The following RGS6 variants were observed in gnomAD, a reference collection of about 807,000 sequenced individuals.
The protein encoded by RGS6 is regulator of G-protein signaling 6.
Under a neutral mutation model 78.5 loss-of-function variants are expected in RGS6, and 30 were observed. The ratio of observed to expected loss-of-function variants is 0.38; its 90% CI spans 0.29 to 0.52. RGS6 has a LOEUF of 0.52. Among genes scored for constraint, RGS6 ranks in the 20% least tolerant of loss-of-function variants. RGS6 has a pLI of 0.85. For synonymous variants in RGS6, 206 were observed against 206.0 expected, an observed-to-expected ratio of 1.00 and a Z score of 0.00; for missense variants, 495 against 609.7, an observed-to-expected ratio of 0.81 and a Z score of 1.98.
chr14:72,264,690 T>C (rs2058738149), intron 2 of RGS6, among the ~76,000 whole-genome samples: 1 of 152,206 alleles, frequency 6.6e-6, no homozygotes, highest in South Asian at 2.1e-4. Context: ...TACCCAAAAA[T>C]AAGTTTGTTT....
At chr14:72,122,030 A>G (rs2096064624) in intron 2 of RGS6, among the ~76,000 whole-genome samples, 2 of 152,114 alleles carry the variant, frequency 1.3e-5, no homozygotes, top group African/African-American at 4.8e-5. Flanking sequence ...CCCCATAACA[A>G]AAAATTACCC....
intron 2 of RGS6, among the ~76,000 whole-genome samples, chr14:72,344,535 T>C (rs1056210110): frequency 3.9e-5 from 6 of 152,214 alleles, no homozygotes; most frequent in Non-Finnish European, 7.3e-5. Flanking sequence ...AAGACCCTTT[T>C]AATATATTGA....
intron 2 of RGS6, among the ~76,000 whole-genome samples, chr14:72,044,383 C>T (rs2092672697): frequency 6.6e-6 from 1 of 152,128 alleles, no homozygotes; most frequent in South Asian, 2.1e-4. Context: ...AAAGATCTGC[C>T]CTGCCCCAAT....
chr14:72,591,825 AG>A, the RGS6 span, among the ~76,000 whole-genome samples: 1 of 152,252 alleles, frequency 6.6e-6, no homozygotes, highest in Non-Finnish European at 1.5e-5. Flanking sequence ...TCTAGCCTGA[AG>A]GGTTGGGTAT....
At chr14:72,608,877 C>T in the RGS6 span, among the ~76,000 whole-genome samples, 4 of 152,128 alleles carry the variant, frequency 2.6e-5, no homozygotes, top group African/African-American at 9.7e-5. Context: ...CTGATGCACA[C>T]GCATGCGTGT....
At chr14:72,599,909 G>A in the RGS6 span, among the ~76,000 whole-genome samples, 1 of 152,108 alleles carries the variant, frequency 6.6e-6, no homozygotes. Flanking sequence ...TCTGGCAGAA[G>A]CCTCAGCTTC....
intron 6 of RGS6, among the ~76,000 whole-genome samples, chr14:72,462,966 G>A (rs2095819058): frequency 6.6e-6 from 1 of 152,184 alleles, no homozygotes; most frequent in African/African-American, 2.4e-5. Flanking sequence ...GCTAGTAAAG[G>A]CAGAAAGTAA....
intron 2 of RGS6, among the ~76,000 whole-genome samples, chr14:72,067,871 C>T (rs2094227211): frequency 6.6e-6 from 1 of 152,136 alleles, no homozygotes; most frequent in Non-Finnish European, 1.5e-5. Context: ...CCAGCACCAT[C>T]CACATCCCTT....
At chr14:72,339,083 A>G (rs923382744) in intron 2 of RGS6, among the ~76,000 whole-genome samples, 8 of 152,256 alleles carry the variant, frequency 5.3e-5, no homozygotes, top group Non-Finnish European at 8.8e-5. Flanking sequence ...GTAAAGCATA[A>G]AGAAAAGAAT....
At chr14:72,350,262 C>T (rs2078865929) in intron 2 of RGS6, among the ~76,000 whole-genome samples, 1 of 152,146 alleles carries the variant, frequency 6.6e-6, no homozygotes, top group African/African-American at 2.4e-5. Context: ...AGAATGGTTT[C>T]CCTGTTTGGC....
chr14:72,186,679 G>C (rs2097252466), intron 2 of RGS6, among the ~76,000 whole-genome samples: 1 of 152,048 alleles, frequency 6.6e-6, no homozygotes, highest in Admixed American at 6.5e-5. Context: ...ACAGGCCTTA[G>C]TACCGACCTC....
chr14:72,268,430 A>G (rs2059405704), intron 2 of RGS6, among the ~76,000 whole-genome samples: 1 of 152,212 alleles, frequency 6.6e-6, no homozygotes, highest in Non-Finnish European at 1.5e-5. Flanking sequence ...TTTGACAGGC[A>G]ATGAAACTTC....
At chr14:72,193,526 G>A (rs2039251398) in intron 2 of RGS6, among the ~76,000 whole-genome samples, 1 of 152,162 alleles carries the variant, frequency 6.6e-6, no homozygotes, top group Admixed American at 6.5e-5. Flanking sequence ...TGGGATATGA[G>A]GTGAACAGCT....
chr14:72,576,939 T>C, the RGS6 span, among the ~76,000 whole-genome samples: 1 of 152,234 alleles, frequency 6.6e-6, no homozygotes, highest in Non-Finnish European at 1.5e-5. Flanking sequence ...CACATGGGCT[T>C]TGTAGAAGCA....
chr14:72,154,757 C>G (rs1271755260), intron 2 of RGS6, among the ~76,000 whole-genome samples: 1 of 152,204 alleles, frequency 6.6e-6, no homozygotes. Flanking sequence ...ATGCCTGTCC[C>G]CAGTGGTTCT....
intron 2 of RGS6, among the ~76,000 whole-genome samples, chr14:72,005,547 G>T (rs2084387581): frequency 6.6e-6 from 1 of 151,908 alleles, no homozygotes; most frequent in Non-Finnish European, 1.5e-5. Flanking sequence ...TTGAGGTCAC[G>T]GGTGATTTTT....
intron 2 of RGS6, among the ~76,000 whole-genome samples, chr14:72,117,620 G>T (rs548416171): frequency 6.6e-6 from 1 of 152,298 alleles, no homozygotes; most frequent in South Asian, 2.1e-4. Flanking sequence ...GTGAGGAAGG[G>T]AAGAGAGGAG....
intron 13 of RGS6, among the ~76,000 whole-genome samples, chr14:72,503,646 G>A (rs963733947): frequency 6.6e-6 from 1 of 152,190 alleles, no homozygotes; most frequent in African/African-American, 2.4e-5. Flanking sequence ...AAATGCAACA[G>A]GGCAGAAAAC....
At chr14:72,040,676 A>C (rs117088366) in intron 2 of RGS6, among the ~76,000 whole-genome samples, 1 of 152,198 alleles carries the variant, frequency 6.6e-6, no homozygotes, top group East Asian at 1.9e-4. Flanking sequence ...GGAAGTTTTC[A>C]GTCATTATTT....
Sources: allele counts gnomAD v4.1 joint callset (sites outside exome capture counted in the v4.1 genomes callset), GRCh38; gene constraint gnomAD v4.1.1; transcripts MANE v1.5; gene names NCBI Gene and HGNC (gene_info 2026-07-23, HGNC 2026-07-21).